TBC1D22A: variants seen among roughly 807,000 people sequenced by gnomAD.
The protein encoded by TBC1D22A is putative GTPase activator.
A neutral mutation model predicts 60.2 loss-of-function variants in TBC1D22A; 38 were observed. The ratio of observed to expected loss-of-function variants is 0.63; its 90% CI spans 0.49 to 0.83. The LOEUF (loss-of-function observed/expected upper bound fraction) is 0.83. TBC1D22A is among the 40% of genes least tolerant of loss of function. TBC1D22A has a pLI of 0.00. For missense variants in TBC1D22A, 628 were observed against 701.0 expected (o/e 0.90, Z 1.18); for synonymous variants, 302 against 281.7 (o/e 1.07, Z -0.72).
intron 7 of TBC1D22A, among the ~76,000 whole-genome samples, chr22:46,901,474 G>A (rs1216244366): frequency 6.6e-6 from 1 of 152,210 alleles, no homozygotes; most frequent in East Asian, 1.9e-4. Flanking sequence ...GGCACAAAAC[G>A]TGGGCTGTAA....
At chr22:46,969,980 A>G (rs1602723431) in intron 8 of TBC1D22A, among the ~76,000 whole-genome samples, 1 of 152,204 alleles carries the variant, frequency 6.6e-6, no homozygotes, top group Non-Finnish European at 1.5e-5. Flanking sequence ...CACTGTAGAA[A>G]GTCCCCACAG....
intron 11 of TBC1D22A, among the ~76,000 whole-genome samples, chr22:47,111,112 A>C (rs2065828133): frequency 6.6e-6 from 1 of 152,088 alleles, no homozygotes; most frequent in South Asian, 2.1e-4. Flanking sequence ...TTGTTTCCTC[A>C]TCTGTGGAGT....
intron 4 of TBC1D22A, among the ~76,000 whole-genome samples, chr22:46,871,606 A>G (rs1442261363): frequency 1.3e-5 from 2 of 152,252 alleles, no homozygotes; most frequent in Admixed American, 1.3e-4. Flanking sequence ...TAAACAACCT[A>G]TGGATCAAAT....
At chr22:46,858,954 C>A (rs185348550) in intron 4 of TBC1D22A, among the ~76,000 whole-genome samples, 2 of 149,504 alleles carry the variant, frequency 1.3e-5, no homozygotes, top group Non-Finnish European at 3.0e-5. Flanking sequence ...CACGCGCAGA[C>A]CAGAATCCTT....
At chr22:46,876,955 C>A (rs1311266629) in intron 4 of TBC1D22A, among the ~76,000 whole-genome samples, 1 of 152,240 alleles carries the variant, frequency 6.6e-6, no homozygotes, top group African/African-American at 2.4e-5. Flanking sequence ...GACGTTGAAC[C>A]ATCCCTCCTT....
chr22:47,120,515 C>A (rs1206995103), intron 12 of TBC1D22A, among the ~76,000 whole-genome samples: 1 of 152,190 alleles, frequency 6.6e-6, no homozygotes, highest in Non-Finnish European at 1.5e-5. Context: ...CTAGTGTTTG[C>A]CCTGAAGGTG....
At chr22:47,045,603 T>TTGTTA (rs2063005850) in intron 11 of TBC1D22A, among the ~76,000 whole-genome samples, 1 of 152,192 alleles carries the variant, frequency 6.6e-6, no homozygotes, top group African/African-American at 2.4e-5. Flanking sequence ...ACGGGCAGTG[T>TTGTTA]TGTTAGCGGG....
chr22:46,833,868 G>A (rs1318112850), intron 4 of TBC1D22A, among the ~76,000 whole-genome samples: 1 of 152,240 alleles, frequency 6.6e-6, no homozygotes, highest in African/African-American at 2.4e-5. Context: ...GTTTTTGTGG[G>A]TTGAAGCAAC....
Position 47,119,353 on chromosome 22 carries a change from C to T in TBC1D22A, c.1425+7750C>T, listed in dbSNP as rs554355132. On this transcript the variant is annotated intron_variant, in intron 12 of 12. Transcript: ENST00000337137. ...ACTCCGTCTCACAGAGCTGGCCACC[C>T]GGACACATGGCTCCCAGCACCCTGT... 3.6e-3 allele frequency among the ~76,000 whole-genome samples: 553 copies of T among 152,292 alleles called. 2 individuals are homozygous for T. Among genetic ancestry groups the T allele is most frequent in the African/African-American group, 0.013 (525 of 41,562 alleles).
chr22:47,140,828 A>C (rs150961027), intron 12 of TBC1D22A, among the ~76,000 whole-genome samples: 1 of 152,174 alleles, frequency 6.6e-6, no homozygotes, highest in Non-Finnish European at 1.5e-5. Flanking sequence ...ACAAAGTGCA[A>C]CTTGCCCCTA....
In TBC1D22A at chr22:46,931,050, A is replaced by C. The variant is rs62232697; in HGVS notation, c.1015+18862A>C. Among the ~76,000 whole-genome samples the C allele has an allele frequency of 3.3e-3, 505 of 152,316 alleles. 1 individual carries two copies. The highest frequency in any genetic ancestry group is 4.9e-3 in the Non-Finnish European group (330 of 68,024). On this transcript the variant is annotated intron_variant, in intron 8 of 12. Transcript: ENST00000337137. ...CCCACCGTTTCAGTTCCAGAGTTCT[A>C]GTCCCTCCTGTTCTACCTCTGGACC...
intron 2 of TBC1D22A, chr22:46,792,832 G>C (rs2084477534): frequency 7.0e-7 from 1 of 1,438,444 alleles, no homozygotes; most frequent in Admixed American, 2.8e-5. Flanking sequence ...AGAGCCAGGA[G>C]CTGGCATCCT....
intron 10 of TBC1D22A, among the ~76,000 whole-genome samples, chr22:47,011,034 C>T (rs771526460): frequency 6.6e-6 from 1 of 152,160 alleles, no homozygotes; most frequent in Non-Finnish European, 1.5e-5. Context: ...TATCATTGTG[C>T]TGACTTTTCA....
chr22:47,034,008 TGCGGGG>T (rs1344692279), intron 10 of TBC1D22A, among the ~76,000 whole-genome samples: 2 of 152,250 alleles, frequency 1.3e-5, no homozygotes, highest in Non-Finnish European at 2.9e-5. Context: ...GATTAAATTC[TGCGGGG>T]GCTTCAGCCT....
intron 4 of TBC1D22A, among the ~76,000 whole-genome samples, chr22:46,856,099 G>A (rs2087555331): frequency 6.6e-6 from 1 of 152,148 alleles, no homozygotes; most frequent in South Asian, 2.1e-4. Context: ...TTTGTTCCGG[G>A]GGCTTCTAAA....
intron 12 of TBC1D22A, among the ~76,000 whole-genome samples, chr22:47,112,724 C>T (rs2065897256): frequency 6.6e-6 from 1 of 152,206 alleles, no homozygotes; most frequent in Non-Finnish European, 1.5e-5. Context: ...TAGCTCCTGC[C>T]TTTTTGTCAG....
At chr22:47,071,638 A>G (rs940838663) in intron 11 of TBC1D22A, among the ~76,000 whole-genome samples, 1 of 152,196 alleles carries the variant, frequency 6.6e-6, no homozygotes. Flanking sequence ...CCTTTTAAAC[A>G]AGACTCTGTC....
chr22:47,109,369 C>T (rs1465135646), intron 11 of TBC1D22A, among the ~76,000 whole-genome samples: 3 of 152,162 alleles, frequency 2.0e-5, no homozygotes, highest in African/African-American at 2.4e-5. Flanking sequence ...ATAGGAAACT[C>T]GAACAACGCT....
intron 7 of TBC1D22A, among the ~76,000 whole-genome samples, chr22:46,905,666 C>T (rs180912976): frequency 4.6e-5 from 7 of 152,300 alleles, no homozygotes; most frequent in Admixed American, 1.3e-4. Context: ...CGAGGGCCAG[C>T]GGTCCCAGAA....
Sources: gnomAD v4.1 joint callset for allele counts (sites outside exome capture counted in the v4.1 genomes callset) on GRCh38, gnomAD v4.1.1 for gene constraint, MANE v1.5 for transcripts, NCBI Gene and HGNC (gene_info 2026-07-23, HGNC 2026-07-21) for gene names.